The following LRRC8D variants were observed in gnomAD, a reference collection of about 807,000 sequenced individuals.
The protein encoded by LRRC8D is volume-regulated anion channel subunit LRRC8D.
In LRRC8D, 20 loss-of-function variants were observed where a neutral mutation model predicts 55.8. That is an observed-to-expected ratio of 0.36 (90% CI 0.25 to 0.52). The LOEUF (loss-of-function observed/expected upper bound fraction) is 0.52, where lower values mean the gene tolerates loss of function less well. LRRC8D is among the 20% of genes least tolerant of loss of function. The pLI, the probability that LRRC8D is intolerant of heterozygous loss-of-function variation, is 0.93. For synonymous variants in LRRC8D, 352 were observed against 377.0 expected (o/e 0.93, Z 0.77); for missense variants, 651 against 1,030.8 (o/e 0.63, Z 5.05).
chr1:89,865,167 C>T lies in LRRC8D; in HGVS notation c.-3+21385C>T, dbSNP rs376543889. Among the ~76,000 whole-genome samples the T allele has an allele frequency of 1.2e-4, 19 of 152,150 alleles. 1 individual carries two copies. The highest frequency in any genetic ancestry group is 3.9e-4 in the Admixed American group (6 of 15,284). ...ATACCCAGCACACAGTAGGATCTCC[C>T]GTGTTTTTGAATGAATGTGGTCCAG... On this transcript the variant is annotated intron_variant, in intron 2 of 2. Transcript: ENST00000337338.
chr1:89,835,349 CTT>C (rs1425758673), intron 1 of LRRC8D, among the ~76,000 whole-genome samples: 7 of 152,208 alleles, frequency 4.6e-5, no homozygotes, highest in Non-Finnish European at 1.0e-4. Context: ...AGTCATCAAA[CTT>C]TGTGGAAGTT....
intron 1 of LRRC8D, chr1:89,833,645 T>G (rs1187620751): frequency 6.6e-6 from 1 of 152,024 alleles, no homozygotes; most frequent in Non-Finnish European, 1.5e-5. Flanking sequence ...GGCACTAGGA[T>G]TGGTTTGGTG....
In LRRC8D at chr1:89,843,797, G is replaced by A. The variant is rs1328002222; in HGVS notation, c.-3+15G>A. On this transcript the variant is annotated intron_variant, in intron 2 of 2. Coordinates refer to ENST00000337338, the MANE Select transcript of LRRC8D (RefSeq NM_001134479.2). The stretch of plus-strand genomic sequence containing the variant: ...GCTTGGTCCAGGTGCGCGGGGTCGG[G>A]TCTGGGTCCAGGGAGCGGGTCGGGA... 1 of 659,346 alleles carries A rather than the reference G, an allele frequency of 1.5e-6. No individual in the cohort carries two copies. The highest frequency in any genetic ancestry group is 1.8e-5 in the African/African-American group (1 of 56,010). The allele number at this position is 659,346 out of a possible 1,614,324, so 40.8% of individuals were successfully genotyped here. A position where few individuals can be genotyped will look rare whatever the true frequency, so the allele number is the denominator to read the frequency against.
intron 2 of LRRC8D, among the ~76,000 whole-genome samples, chr1:89,921,149 A>C (rs1429676047): frequency 6.6e-6 from 1 of 152,198 alleles, no homozygotes; most frequent in Non-Finnish European, 1.5e-5. Context: ...GAATCACTTG[A>C]GTCCAGGAGT....
chr1:89,874,665 G>A (rs1378629639), intron 2 of LRRC8D, among the ~76,000 whole-genome samples: 3 of 152,196 alleles, frequency 2.0e-5, no homozygotes, highest in East Asian at 3.9e-4. Flanking sequence ...GACAAAGGAT[G>A]TCATTATTAT....
intron 2 of LRRC8D, among the ~76,000 whole-genome samples, chr1:89,847,348 G>C (rs1661305712): frequency 6.6e-6 from 1 of 152,168 alleles, no homozygotes; most frequent in African/African-American, 2.4e-5. Context: ...AAAACCCTCA[G>C]GGAGAGGAGA....
At chr1:89,905,415 T>C (rs1183527588) in intron 2 of LRRC8D, among the ~76,000 whole-genome samples, 1 of 152,214 alleles carries the variant, frequency 6.6e-6, no homozygotes, top group Non-Finnish European at 1.5e-5. Flanking sequence ...ACAGATTTGT[T>C]TCCCTCTCAC....
chr1:89,924,534 A>G (rs568446813), intron 2 of LRRC8D, among the ~76,000 whole-genome samples: 1 of 152,308 alleles, frequency 6.6e-6, no homozygotes, highest in Admixed American at 6.5e-5. Flanking sequence ...TTAAAACAGA[A>G]CTATAATTCA....
intron 2 of LRRC8D, among the ~76,000 whole-genome samples, chr1:89,901,346 G>A (rs1315040815): frequency 6.6e-6 from 1 of 152,218 alleles, no homozygotes; most frequent in African/African-American, 2.4e-5. Flanking sequence ...TTTGCCTTGG[G>A]TAAATCATCA....
chr1:89,920,809 T>C (rs1320317413), intron 2 of LRRC8D, among the ~76,000 whole-genome samples: 2 of 152,098 alleles, frequency 1.3e-5, no homozygotes, highest in Non-Finnish European at 2.9e-5. Flanking sequence ...GTGTGCTGTG[T>C]GAGTATCTGT....
intron 2 of LRRC8D, among the ~76,000 whole-genome samples, chr1:89,864,141 G>A (rs1018684898): frequency 6.6e-6 from 1 of 152,106 alleles, no homozygotes; most frequent in African/African-American, 2.4e-5. Flanking sequence ...TCAAAAGATT[G>A]GTCTGTTCTG....
At chr1:89,920,721 A>G (rs553917087) in intron 2 of LRRC8D, among the ~76,000 whole-genome samples, 4 of 151,694 alleles carry the variant, frequency 2.6e-5, no homozygotes, top group Non-Finnish European at 4.4e-5. Flanking sequence ...AAAAAACTAA[A>G]TCATTCCTTT....
At chr1:89,874,594 T>C (rs537132045) in intron 2 of LRRC8D, among the ~76,000 whole-genome samples, 2 of 152,184 alleles carry the variant, frequency 1.3e-5, no homozygotes, top group East Asian at 3.9e-4. Context: ...TTAGTAAGGA[T>C]AGGGTCCACA....
intron 2 of LRRC8D, among the ~76,000 whole-genome samples, chr1:89,899,541 G>A (rs1662797094): frequency 6.6e-6 from 1 of 152,204 alleles, no homozygotes; most frequent in South Asian, 2.1e-4. Context: ...AGGACCTTGA[G>A]GAAAGAATTA....
At position 89,935,728 on chromosome 1, in the gene LRRC8D, G is replaced by T; in HGVS notation, c.*83G>T. Reference sequence around the variant, plus strand: ...CACGTACAAGTTATTACAAGATAATGCATTTTAGGAGTAGATACATCTTTT... The same window carrying T: ...CACGTACAAGTTATTACAAGATAATTCATTTTAGGAGTAGATACATCTTTT... On this transcript the variant is annotated 3_prime_UTR_variant, in exon 3 of 3. Coordinates refer to ENST00000337338, the MANE Select transcript of LRRC8D (RefSeq NM_001134479.2). 1 of 1,263,140 alleles carries T rather than the reference G, an allele frequency of 7.9e-7. No individual in the cohort carries two copies. The highest frequency in any genetic ancestry group is 1.1e-6 in the Non-Finnish European group (1 of 893,064). The allele number at this position is 1,263,140 out of a possible 1,614,324, so 78.2% of individuals were successfully genotyped here. A position where few individuals can be genotyped will look rare whatever the true frequency, so the allele number is the denominator to read the frequency against.
At chr1:89,837,677 C>T (rs1661032238) in intron 1 of LRRC8D, among the ~76,000 whole-genome samples, 1 of 152,166 alleles carries the variant, frequency 6.6e-6, no homozygotes, top group Admixed American at 6.5e-5. Context: ...ATGTAAAGTG[C>T]TTGGCATTTA....
At chr1:89,830,823 C>T (rs543832019) in intron 1 of LRRC8D, among the ~76,000 whole-genome samples, 2 of 152,116 alleles carry the variant, frequency 1.3e-5, no homozygotes, top group South Asian at 2.1e-4. Flanking sequence ...GGCTGGAAAC[C>T]GCCTCTTTAG....
At chr1:89,871,952 C>G (rs555009722) in intron 2 of LRRC8D, among the ~76,000 whole-genome samples, 1 of 152,156 alleles carries the variant, frequency 6.6e-6, no homozygotes, top group African/African-American at 2.4e-5. Context: ...TGGGCACTTA[C>G]AGCTTTTACC....
intron 1 of LRRC8D, among the ~76,000 whole-genome samples, chr1:89,832,881 C>T (rs1314378064): frequency 6.6e-6 from 1 of 152,236 alleles, no homozygotes; most frequent in African/African-American, 2.4e-5. Flanking sequence ...ATGTGCCAGG[C>T]ACTGTTTGCA....
Sources: allele counts gnomAD v4.1 joint callset (sites outside exome capture counted in the v4.1 genomes callset), GRCh38; gene constraint gnomAD v4.1.1; transcripts MANE v1.5; gene names NCBI Gene and HGNC (gene_info 2026-07-23, HGNC 2026-07-21).